The following WDPCP variants were observed in gnomAD, a reference collection of about 807,000 sequenced individuals.
The protein encoded by WDPCP is WD repeat containing planar cell polarity effector.
Under a neutral mutation model 93.1 loss-of-function variants are expected in WDPCP, and 71 were observed. The observed-to-expected ratio is 0.76, with a 90% confidence interval of 0.63 to 0.93. The LOEUF (loss-of-function observed/expected upper bound fraction) is 0.93, where lower values mean the gene tolerates loss of function less well. Among genes scored for constraint, WDPCP ranks in the 40% least tolerant of loss-of-function variants. The pLI is 0.00. For synonymous variants in WDPCP, 315 were observed against 315.0 expected (o/e 1.00, Z 0.00); for missense variants, 844 against 887.4 (o/e 0.95, Z 0.62).
At chr2:63,494,280 A>G (rs1374377311) in intron 1 of WDPCP, among the ~76,000 whole-genome samples, 1 of 110,858 alleles carries the variant, frequency 9.0e-6, no homozygotes, top group Admixed American at 9.8e-5. Context: ...GATGATGATG[A>G]TGATGATGAC....
chr2:63,520,858 C>T (rs563621779), intron 1 of WDPCP, among the ~76,000 whole-genome samples: 8 of 143,488 alleles, frequency 5.6e-5, no homozygotes, highest in Non-Finnish European at 7.4e-5. Flanking sequence ...GATTGTGCCA[C>T]GGCACATCAG....
intron 16 of WDPCP, 64 bp from the exon 17 acceptor site, chr2:63,153,009 T>G (rs905987556): frequency 3.6e-6 from 5 of 1,377,410 alleles, no homozygotes; most frequent in African/African-American, 1.4e-5. Context: ...AAGAAAATTT[T>G]TTTACAACAC....
intron 2 of WDPCP, among the ~76,000 whole-genome samples, chr2:63,679,707 G>T (rs1280579073): frequency 6.6e-6 from 1 of 152,038 alleles, no homozygotes; most frequent in Admixed American, 6.5e-5. Context: ...TAGTTAGTCG[G>T]ATTCTTGCTG....
intron 9 of WDPCP, among the ~76,000 whole-genome samples, chr2:63,431,267 G>A (rs1323699818): frequency 6.6e-6 from 1 of 152,088 alleles, no homozygotes; most frequent in Non-Finnish European, 1.5e-5. Context: ...CAGAGATTCT[G>A]ATGTAACTGG....
chr2:63,709,836 C>T (rs552196560), intron 2 of WDPCP, among the ~76,000 whole-genome samples: 7 of 152,140 alleles, frequency 4.6e-5, no homozygotes, highest in South Asian at 2.1e-4. Context: ...AAATGTTTGA[C>T]GAAGGGCTAC....
At chr2:63,400,475 G>A (rs1434451537) in intron 10 of WDPCP, among the ~76,000 whole-genome samples, 1 of 152,048 alleles carries the variant, frequency 6.6e-6, no homozygotes, top group African/African-American at 2.4e-5. Flanking sequence ...TTTGTAAACT[G>A]TATATCTGAC....
Position 63,303,871 on chromosome 2 carries a change from T to C in WDPCP, c.1812+9377A>G, listed in dbSNP as rs1216568326. Among the ~76,000 whole-genome samples the C allele has an allele frequency of 2.0e-5, 3 of 149,218 alleles. 1 individual carries two copies. The highest frequency in any genetic ancestry group is 1.4e-4 in the Admixed American group (2 of 14,766). On this transcript the variant is annotated intron_variant, in intron 13 of 17. Coordinates refer to ENST00000272321, the MANE Select transcript of WDPCP (RefSeq NM_015910.7). ...GACATATAAGCAGTCAATAAACATA[T>C]GAAAAAATGCTCAACATCACTAATT...
intron 14 of WDPCP, among the ~76,000 whole-genome samples, chr2:63,185,952 A>G (rs1674606568): frequency 6.6e-6 from 1 of 152,044 alleles, no homozygotes; most frequent in African/African-American, 2.4e-5. Flanking sequence ...TGCAACCACT[A>G]TCTCTGAGGA....
chr2:63,301,458 A>G (rs766983288), intron 13 of WDPCP, among the ~76,000 whole-genome samples: 5 of 152,202 alleles, frequency 3.3e-5, no homozygotes, highest in African/African-American at 9.7e-5. Context: ...ATAAAGTTCA[A>G]TCTAGCATAC....
chr2:63,391,007 A>T (rs368302402), intron 10 of WDPCP, among the ~76,000 whole-genome samples: 1 of 152,208 alleles, frequency 6.6e-6, no homozygotes, highest in African/African-American at 2.4e-5. Flanking sequence ...TCCAATCAAT[A>T]GAAAAAGAGG....
At chr2:63,392,501 A>G (rs1328351797) in intron 10 of WDPCP, among the ~76,000 whole-genome samples, 1 of 152,216 alleles carries the variant, frequency 6.6e-6, no homozygotes, top group East Asian at 1.9e-4. Flanking sequence ...CTAAAACACC[A>G]AAAGCAATGG....
At chr2:63,577,725 C>A (rs919390033) in intron 1 of WDPCP, among the ~76,000 whole-genome samples, 1 of 152,098 alleles carries the variant, frequency 6.6e-6, no homozygotes, top group East Asian at 1.9e-4. Context: ...TGAAAAATAG[C>A]AGTTTATCCA....
chr2:63,235,935 C>G (rs1467418093), intron 14 of WDPCP, among the ~76,000 whole-genome samples: 1 of 152,122 alleles, frequency 6.6e-6, no homozygotes, highest in Non-Finnish European at 1.5e-5. Context: ...GGAACAGGAA[C>G]AACACAAAGA....
intron 12 of WDPCP, among the ~76,000 whole-genome samples, chr2:63,340,749 CTCA>C (rs1688775723): frequency 6.6e-6 from 1 of 152,196 alleles, no homozygotes; most frequent in South Asian, 2.1e-4. Flanking sequence ...CTGTATCATC[CTCA>C]TATTTGAGTT....
intron 15 of WDPCP, among the ~76,000 whole-genome samples, chr2:63,156,945 TTCTC>T (rs1192516715): frequency 1.3e-5 from 2 of 152,148 alleles, no homozygotes; most frequent in African/African-American, 2.4e-5. Context: ...CATTCAGTCT[TTCTC>T]TATCAAGTAG....
chr2:63,361,739 A>C (rs186521485), intron 12 of WDPCP, among the ~76,000 whole-genome samples: 3 of 152,232 alleles, frequency 2.0e-5, no homozygotes, highest in African/African-American at 7.2e-5. Context: ...TGGTTTTTGC[A>C]AACAGTGCAA....
At chr2:63,389,223 G>T (rs1008067310) in intron 10 of WDPCP, among the ~76,000 whole-genome samples, 1 of 152,188 alleles carries the variant, frequency 6.6e-6, no homozygotes, top group Non-Finnish European at 1.5e-5. Flanking sequence ...TTACAAGCCA[G>T]AAGAGGGTGG....
At chr2:63,156,118 G>T (rs1672231871) in intron 15 of WDPCP, among the ~76,000 whole-genome samples, 1 of 152,034 alleles carries the variant, frequency 6.6e-6, no homozygotes, top group South Asian at 2.1e-4. Context: ...TCCTGCCTCA[G>T]CCTCCCGAGT....
At chr2:63,269,752 G>T (rs1025476479) in intron 13 of WDPCP, among the ~76,000 whole-genome samples, 1 of 152,140 alleles carries the variant, frequency 6.6e-6, no homozygotes, top group Non-Finnish European at 1.5e-5. Flanking sequence ...TATGATTACT[G>T]TGTTCTTGTC....
Sources: allele counts gnomAD v4.1 joint callset (sites outside exome capture counted in the v4.1 genomes callset), GRCh38; gene constraint gnomAD v4.1.1; transcripts MANE v1.5; gene names NCBI Gene and HGNC (gene_info 2026-07-23, HGNC 2026-07-21).